Variants in PTGER4 observed in about 807,000 individuals in gnomAD.
PTGER4 encodes the protein prostaglandin E2 receptor EP4 subtype.
A neutral mutation model predicts 33.2 loss-of-function variants in PTGER4; 11 were observed. That is an observed-to-expected ratio of 0.33 (90% CI 0.21 to 0.55). PTGER4 has a LOEUF of 0.55. Among genes scored for constraint, PTGER4 ranks in the 20% least tolerant of loss-of-function variants. The pLI is 0.92. For synonymous variants in PTGER4, 275 were observed against 281.5 expected (o/e 0.98, Z 0.23); for missense variants, 481 against 650.2 (o/e 0.74, Z 2.83).
the PTGER4 span, among the ~76,000 whole-genome samples, chr5:40,723,133 C>A: frequency 6.6e-5 from 10 of 152,156 alleles, no homozygotes; most frequent in South Asian, 2.1e-3. Context: ...TATAACCTTA[C>A]CCCCAACCCC....
At chr5:40,724,084 T>C in the PTGER4 span, among the ~76,000 whole-genome samples, 1 of 152,200 alleles carries the variant, frequency 6.6e-6, no homozygotes, top group Non-Finnish European at 1.5e-5. Flanking sequence ...CCCAGGTTCA[T>C]GGCAGCACTA....
rs527895951 is a variant in PTGER4 at position 40,683,204 on chromosome 5, T to G, written c.867+1344T>G. ...GCTATTATTCCTTCCTTTTCCTTAT[T>G]GATACTGTCCAGGGATCTTTGGTGT... On this transcript the variant is annotated intron_variant, in intron 2 of 2. Coordinates refer to ENST00000302472, the MANE Select transcript of PTGER4 (RefSeq NM_000958.3). The surrounding 1 kb of genome is among the most constrained non-coding windows in gnomAD (Gnocchi z 4.2). Among the ~76,000 whole-genome samples, 1 of 152,356 alleles carries G rather than the reference T, an allele frequency of 6.6e-6. No individual in the cohort carries two copies. The highest frequency in any genetic ancestry group is 2.4e-5 in the African/African-American group (1 of 41,580).
chr5:40,730,706 T>A, the PTGER4 span, among the ~76,000 whole-genome samples: 1 of 152,154 alleles, frequency 6.6e-6, no homozygotes. Flanking sequence ...TTCTAGTCCA[T>A]GAAATATATG....
the PTGER4 span, among the ~76,000 whole-genome samples, chr5:40,729,937 G>T: frequency 8.2e-4 from 125 of 152,048 alleles, no homozygotes; most frequent in Non-Finnish European, 1.5e-3. Flanking sequence ...GACCTCAAGT[G>T]ATCCACCCAC....
chr5:40,718,887 C>T, the PTGER4 span, among the ~76,000 whole-genome samples: 12 of 151,854 alleles, frequency 7.9e-5, no homozygotes, highest in African/African-American at 2.4e-4. Flanking sequence ...AGCAACAGAG[C>T]GAGACTGTCT....
In PTGER4 at chr5:40,693,304, T is replaced by C. The variant is rs2111818062; in HGVS notation, c.*926T>C. On this transcript the variant is annotated 3_prime_UTR_variant, in exon 3 of 3. Transcript: ENST00000302472. ...TTTAATAAATAACCCATAATTGAAG[T>C]GTATAATATAAAAAATTTTAAAAAT... The C allele has an allele frequency of 1.0e-6, 1 of 970,828 alleles. No homozygotes were observed. Among genetic ancestry groups the C allele is most frequent in the East Asian group, 1.1e-4 (1 of 8,768 alleles). The allele number at this position is 970,828 out of a possible 1,614,324, so 60.1% of individuals were successfully genotyped here.
rs764923834 is a variant in PTGER4, at chr5:40,681,909, C to G, written c.867+49C>G. On this transcript the variant is annotated intron_variant, in intron 2 of 2. Transcript: ENST00000302472. This position sits in a 1 kb window ranked among gnomAD's most constrained non-coding sequence, Gnocchi z 9.8. ...TACTCGGCCTTTTTCTCGCATCCAC[C>G]TCCCGCGTCCATTCCCCGCTCCCTG... 2 of 1,471,952 alleles carry G rather than the reference C, an allele frequency of 1.4e-6. No homozygotes were observed. Among genetic ancestry groups the G allele is most frequent in the African/African-American group, 1.5e-5 (1 of 67,458 alleles). The allele number at this position is 1,471,952 out of a possible 1,614,324, so 91.2% of individuals were successfully genotyped here.
At chr5:40,742,444 A>G in the PTGER4 span, among the ~76,000 whole-genome samples, 2 of 152,230 alleles carry the variant, frequency 1.3e-5, no homozygotes, top group Admixed American at 1.3e-4. Flanking sequence ...TATTTTCTGC[A>G]GAAAAGGAAA....
the PTGER4 span, among the ~76,000 whole-genome samples, chr5:40,743,718 G>C: frequency 1.3e-5 from 2 of 152,122 alleles, no homozygotes; most frequent in Non-Finnish European, 2.9e-5. Context: ...AGGTTGCAGT[G>C]AGCCAAGATC....
chr5:40,700,687 CAT>C, the PTGER4 span, among the ~76,000 whole-genome samples: 2 of 152,136 alleles, frequency 1.3e-5, no homozygotes, highest in Admixed American at 1.3e-4. Flanking sequence ...GGGGAAGGAA[CAT>C]AAACACTGAG....
Position 40,692,084 on chromosome 5 carries a change from A to G in PTGER4, c.1173A>G (p.Thr391=). The G allele has an allele frequency of 6.2e-7, 1 of 1,614,210 alleles. No individual in the cohort carries two copies. The change falls in exon 3 of 3, where the codon ACA becomes ACG. Residue 391 remains threonine, a synonymous_variant. Coordinates refer to ENST00000302472, the MANE Select transcript of PTGER4 (RefSeq NM_000958.3). The part of the protein sequence containing the change: ...ISRELKEISS[T]SQTLLPDLSL... ...GGGAGCTGAAGGAGATCAGCAGTAC[A>G]TCTCAGACCCTCCTGCCAGACCTCT...
the PTGER4 span, among the ~76,000 whole-genome samples, chr5:40,723,237 A>G: frequency 6.6e-6 from 1 of 152,056 alleles, no homozygotes; most frequent in African/African-American, 2.4e-5. Context: ...TGAAGGCAGC[A>G]TGCTCCTTAA....
chr5:40,697,439 G>C (rs890244523), downstream of PTGER4, among the ~76,000 whole-genome samples: 7 of 151,886 alleles, frequency 4.6e-5, no homozygotes, highest in Non-Finnish European at 8.8e-5. Flanking sequence ...TGCAAAATTA[G>C]CCAGGCGTGG....
chr5:40,742,280 T>A, the PTGER4 span, among the ~76,000 whole-genome samples: 1 of 152,110 alleles, frequency 6.6e-6, no homozygotes, highest in Admixed American at 6.6e-5. Flanking sequence ...TGAAGAAATA[T>A]ATAGCCAATC....
At chr5:40,719,745 A>G in the PTGER4 span, among the ~76,000 whole-genome samples, 1 of 152,222 alleles carries the variant, frequency 6.6e-6, no homozygotes, top group Non-Finnish European at 1.5e-5. Context: ...GTGAATGTGA[A>G]GTAGTATCTC....
At chr5:40,744,977 C>T in the PTGER4 span, among the ~76,000 whole-genome samples, 1 of 152,066 alleles carries the variant, frequency 6.6e-6, no homozygotes, top group South Asian at 2.1e-4. Flanking sequence ...AATATTTAGA[C>T]TCAATCTCTA....
At chr5:40,736,464 C>T in the PTGER4 span, among the ~76,000 whole-genome samples, 2 of 152,130 alleles carry the variant, frequency 1.3e-5, no homozygotes, top group South Asian at 4.1e-4. Flanking sequence ...GTTAGCTAGA[C>T]AGTCAAATAT....
chr5:40,686,749 T>A (rs996533681), intron 2 of PTGER4, among the ~76,000 whole-genome samples: 6 of 152,050 alleles, frequency 3.9e-5, no homozygotes, highest in Admixed American at 6.6e-5. Context: ...TTAAAAAAAA[T>A]TAGGTGGGTG....
chr5:40,681,623 G>A lies in PTGER4; in HGVS notation c.630G>A (p.Leu210=). 6.2e-7 allele frequency: 1 copy of A among 1,604,710 alleles called. No individual in the cohort carries two copies. Among genetic ancestry groups the A allele is most frequent in the South Asian group, 1.1e-5 (1 of 90,978 alleles). ...VLCNVLVCGA[L]LRMHRQFMRR... is the part of the protein sequence containing the mutation. ...GCAACGTGCTTGTGTGCGGCGCGCT[G>A]CTCCGCATGCACCGCCAGTTCATGC... The change falls in exon 2 of 3, where the codon CTG becomes CTA. Residue 210 remains leucine, a synonymous_variant. Transcript: ENST00000302472. This position sits in a 1 kb window ranked among gnomAD's most constrained non-coding sequence, Gnocchi z 9.8.
Sources: allele counts gnomAD v4.1 joint callset (sites outside exome capture counted in the v4.1 genomes callset), GRCh38; gene constraint gnomAD v4.1.1; non-coding constraint Gnocchi (gnomAD v3.1); transcripts MANE v1.5; gene names NCBI Gene and HGNC (gene_info 2026-07-23, HGNC 2026-07-21).